The following LRIG1 variants were observed in gnomAD, a reference collection of about 807,000 sequenced individuals.
LRIG1 encodes the protein leucine-rich repeats and immunoglobulin-like domains protein 1.
Under a neutral mutation model 99.2 loss-of-function variants are expected in LRIG1, and 48 were observed. That is an observed-to-expected ratio of 0.48 (90% confidence interval 0.38 to 0.62). The LOEUF is 0.62. Among genes scored for constraint, LRIG1 ranks in the 20% least tolerant of loss-of-function variants. The probability of loss-of-function intolerance (pLI) is 0.00; values close to 1 mark genes in which losing one functional copy is unlikely to be tolerated. For synonymous variants in LRIG1, 772 were observed against 596.1 expected (o/e 1.29, Z -4.30); for missense variants, 1,646 against 1,434.4 (o/e 1.15, Z -2.38).
intron 3 of LRIG1, among the ~76,000 whole-genome samples, chr3:66,441,135 A>G (rs1032591807): frequency 2.6e-5 from 4 of 152,170 alleles, no homozygotes; most frequent in African/African-American, 9.7e-5. Context: ...GGCAGAAGCC[A>G]GTGGCCCCTG....
rs187065320 is a variant in LRIG1, at chr3:66,450,834, A to G, written c.365+725T>C. 1.6e-3 allele frequency among the ~76,000 whole-genome samples: 248 copies of G among 152,352 alleles called. 3 individuals carry two copies. Among genetic ancestry groups the G allele is most frequent in the Admixed American group, 0.016 (239 of 15,310 alleles). On this transcript the variant is annotated intron_variant, in intron 3 of 18. Transcript: ENST00000273261. ...AAGCTGCCAATAAAATCTGGCAGAG[A>G]AAACTGTTGGACTCATGGCTGGTTT...
chr3:66,412,702 G>A (rs1212834000), intron 6 of LRIG1, among the ~76,000 whole-genome samples, 169 bp downstream of exon 6: 8 of 151,950 alleles, frequency 5.3e-5, no homozygotes, highest in African/African-American at 9.7e-5. Flanking sequence ...GTGCACACGC[G>A]CACGCACACA....
intron 1 of LRIG1, among the ~76,000 whole-genome samples, chr3:66,462,938 C>T (rs952598971): frequency 6.6e-6 from 1 of 152,100 alleles, no homozygotes; most frequent in Admixed American, 6.5e-5. Flanking sequence ...AAAACCCCTT[C>T]ATTGTCTAAA....
At chr3:66,492,227 T>C (rs910982155) in intron 1 of LRIG1, among the ~76,000 whole-genome samples, 1 of 152,244 alleles carries the variant, frequency 6.6e-6, no homozygotes, top group Non-Finnish European at 1.5e-5. Context: ...TCCTTCTCAT[T>C]GCATTTAACA....
At chr3:66,472,357 A>G (rs1038641641) in intron 1 of LRIG1, among the ~76,000 whole-genome samples, 1 of 150,066 alleles carries the variant, frequency 6.7e-6, no homozygotes, top group Non-Finnish European at 1.5e-5. Context: ...TGGTCACAGG[A>G]AAGATGCAAA....
At position 66,500,735 on chromosome 3, in the gene LRIG1, A is replaced by G. The variant is rs1027329837; in HGVS notation, c.-328T>C. 5.2e-6 allele frequency: 1 copy of G among 190,580 alleles called. No homozygotes were observed. Among genetic ancestry groups the G allele is most frequent in the African/African-American group, 2.3e-5 (1 of 42,714 alleles). The allele number at this position is 190,580 out of a possible 1,614,324, so 11.8% of individuals were successfully genotyped here. ...CGCCCGGGGCACGCCGAGTGCCGCT[A>G]CCGACACCGGCCGAGGGCAGTGCTG... is the stretch of plus-strand genomic sequence containing the variant. On this transcript the variant is annotated 5_prime_UTR_variant, in exon 1 of 19. Transcript: ENST00000273261.
rs112429692 is a variant in LRIG1, at chr3:66,492,711, T to C, written c.218+7479A>G. 4.7e-3 allele frequency among the ~76,000 whole-genome samples: 715 copies of C among 151,696 alleles called. 6 individuals carry two copies. The highest frequency in any genetic ancestry group is 0.014 in the African/African-American group (580 of 41,126). Reference sequence around the variant, plus strand: ...AACTGAACAAGCAGTAATTAGAACCTGCATCCTGGTTCATAAGGAAACCAA... The same window carrying C: ...AACTGAACAAGCAGTAATTAGAACCCGCATCCTGGTTCATAAGGAAACCAA... On this transcript the variant is annotated intron_variant, in intron 1 of 18. Coordinates refer to ENST00000273261, the MANE Select transcript of LRIG1 (RefSeq NM_015541.3).
intron 8 of LRIG1, 90 bp downstream of exon 8, chr3:66,407,258 C>A: frequency 2.8e-6 from 4 of 1,421,958 alleles, no homozygotes; most frequent in Non-Finnish European, 3.9e-6. Flanking sequence ...TCGAAGCCAA[C>A]GCAAATGGAG....
At chr3:66,416,820 G>A (rs1702629243) in intron 4 of LRIG1, among the ~76,000 whole-genome samples, 1 of 152,260 alleles carries the variant, frequency 6.6e-6, no homozygotes, top group Non-Finnish European at 1.5e-5. Flanking sequence ...AAAAAAAGCA[G>A]GCTTTGTGGT....
intron 8 of LRIG1, chr3:66,406,475 G>C (rs980596958): frequency 3.1e-6 from 3 of 955,134 alleles, no homozygotes; most frequent in Non-Finnish European, 3.7e-6. Context: ...CACACTCCCT[G>C]GCAATGGCTC....
chr3:66,421,079 C>A (rs1559790918), intron 3 of LRIG1, among the ~76,000 whole-genome samples: 1 of 152,094 alleles, frequency 6.6e-6, no homozygotes, highest in Non-Finnish European at 1.5e-5. Flanking sequence ...GAAAAACCTG[C>A]CCCCATAACT....
intron 15 of LRIG1, 144 bp downstream of exon 15, chr3:66,382,838 T>C (rs1701161864): frequency 1.4e-6 from 1 of 724,086 alleles, no homozygotes; most frequent in African/African-American, 1.8e-5. Flanking sequence ...TTCCTCAAAG[T>C]TAAAATGGAA....
chr3:66,408,042 C>G (rs79056325), intron 7 of LRIG1, among the ~76,000 whole-genome samples: 6,233 of 152,214 alleles, frequency 0.041, 434 homozygotes, highest in African/African-American at 0.14. Context: ...GCCTCCCTGC[C>G]CCCATCCACG....
intron 1 of LRIG1, among the ~76,000 whole-genome samples, chr3:66,486,019 A>C (rs966333509): frequency 1.2e-4 from 19 of 152,302 alleles, no homozygotes; most frequent in African/African-American, 4.6e-4. Flanking sequence ...CTGAATTCTA[A>C]CTGGCAAGTG....
intron 1 of LRIG1, among the ~76,000 whole-genome samples, chr3:66,492,970 C>A (rs990310895): frequency 6.6e-6 from 1 of 152,210 alleles, no homozygotes; most frequent in African/African-American, 2.4e-5. Context: ...TCAAATGACC[C>A]TGTGTTCCCC....
Position 66,386,319 on chromosome 3 carries a change from A to G in LRIG1, c.1469-18T>C. ...GAAGTCATCTGGGGAGAGAAGGGTC[A>G]ACTGTAAAGCGCTGGGTTCTTGGTA... On this transcript the variant is annotated intron_variant, in intron 12 of 18. Transcript: ENST00000273261. 6.2e-7 allele frequency: 1 copy of G among 1,608,618 alleles called. No homozygotes were observed. The highest frequency in any genetic ancestry group is 8.5e-7 in the Non-Finnish European group (1 of 1,176,306).
In LRIG1 at chr3:66,384,220, G is replaced by A. The variant is rs141626970; in HGVS notation, c.1842C>T (p.Thr614=). 40 of 1,614,028 alleles carry A rather than the reference G, an allele frequency of 2.5e-5. No individual in the cohort carries two copies. The highest frequency in any genetic ancestry group is 2.0e-4 in the South Asian group (18 of 91,070). ...TPHDITIRTT[T]MARLECAATG... is the part of the protein sequence containing the mutation. ...TGGCAGCACATTCGAGGCGGGCCATGGTGGTGGTCCGGATGGTTATGTCGT... is the reference window on the plus strand; with the variant it reads ...TGGCAGCACATTCGAGGCGGGCCATAGTGGTGGTCCGGATGGTTATGTCGT... The change falls in exon 14 of 19, where the codon ACC becomes ACT. Residue 614 remains threonine, a synonymous_variant. Transcript: ENST00000273261.
Position 66,436,657 on chromosome 3 carries a change from C to A in LRIG1, c.365+14902G>T, listed in dbSNP as rs556603417. ...GAAGCCAAACTGTGACAAGCCTGCA[C>A]AGGAAGAACTGAAGAGGAGGGGGGA... On this transcript the variant is annotated intron_variant, in intron 3 of 18. Transcript: ENST00000273261. Among the ~76,000 whole-genome samples, 250 of 150,870 alleles carry A rather than the reference C, an allele frequency of 1.7e-3. 1 individual carries two copies. The highest frequency in any genetic ancestry group is 3.4e-3 in the African/African-American group (137 of 40,252).
At chr3:66,462,638 G>A in intron 1 of LRIG1, 129 bp from the exon 2 acceptor site, 1 of 682,036 alleles carries the variant, frequency 1.5e-6, no homozygotes, top group East Asian at 2.7e-5. Flanking sequence ...CATGTATTAA[G>A]TAACCGTATT....
Sources: gnomAD v4.1 joint callset for allele counts (sites outside exome capture counted in the v4.1 genomes callset) on GRCh38, gnomAD v4.1.1 for gene constraint, MANE v1.5 for transcripts, NCBI Gene and HGNC (gene_info 2026-07-23, HGNC 2026-07-21) for gene names.